Variants in MYO1D observed in about 807,000 individuals in gnomAD.
MYO1D encodes the protein unconventional myosin-Id.
In MYO1D, 83 loss-of-function variants were observed where a neutral mutation model predicts 122.0. The ratio of observed to expected loss-of-function variants is 0.68; its 90% CI spans 0.57 to 0.82. The LOEUF (loss-of-function observed/expected upper bound fraction) is 0.82. MYO1D is among the 40% of genes least tolerant of loss of function. The pLI is 0.00. For synonymous variants in MYO1D, 464 were observed against 446.9 expected, an observed-to-expected ratio of 1.04 and a Z score of -0.48; for missense variants, 1,157 against 1,269.5, an observed-to-expected ratio of 0.91 and a Z score of 1.35.
intron 21 of MYO1D, among the ~76,000 whole-genome samples, chr17:32,591,223 C>T (rs1378134023): frequency 1.3e-5 from 2 of 152,232 alleles, no homozygotes; most frequent in African/African-American, 4.8e-5. Context: ...TACACTTTAA[C>T]ATTGTTTGAT....
chr17:32,581,208 G>A (rs2087335496), intron 21 of MYO1D, among the ~76,000 whole-genome samples: 2 of 152,110 alleles, frequency 1.3e-5, no homozygotes, highest in East Asian at 3.9e-4. Flanking sequence ...TTTAATCTAA[G>A]CTGTCAAATT....
chr17:32,804,640 T>G (rs1347129215), intron 1 of MYO1D, among the ~76,000 whole-genome samples: 1 of 152,194 alleles, frequency 6.6e-6, no homozygotes, highest in East Asian at 1.9e-4. Flanking sequence ...AGCAATTAAA[T>G]GTTTCACTGC....
chr17:32,759,857 AAAC>A (rs1284851198), intron 10 of MYO1D: 8 of 422,776 alleles, frequency 1.9e-5, no homozygotes, highest in Admixed American at 7.9e-5. Context: ...CAGAGAATAT[AAAC>A]AACATTAACT....
intron 1 of MYO1D, among the ~76,000 whole-genome samples, chr17:32,791,002 A>T (rs748478562): frequency 2.6e-5 from 4 of 152,192 alleles, no homozygotes; most frequent in African/African-American, 4.8e-5. Flanking sequence ...GCACATGTCA[A>T]AAGGACACAG....
intron 13 of MYO1D, among the ~76,000 whole-genome samples, chr17:32,742,202 G>A (rs564028799): frequency 3.3e-5 from 5 of 152,258 alleles, no homozygotes; most frequent in African/African-American, 1.2e-4. Context: ...CTGGGAGGAA[G>A]TGTGTAGGTT....
rs533021001 is a variant in MYO1D, at chr17:32,540,259, G to A, written c.2865-45344C>T. ...GCAGGAGAATTGCTTGAACTCAGGA[G>A]GGAGAGGTTGCAGCGAGCCGAGATC... On this transcript the variant is annotated intron_variant, in intron 21 of 21. Transcript: ENST00000318217. 4.1e-5 allele frequency among the ~76,000 whole-genome samples: 6 copies of A among 147,550 alleles called. No individual in the cohort carries two copies. In the South Asian group the frequency reaches 1.3e-3, roughly 31 times the overall value.
chr17:32,654,682 CTCTT>C (rs779113617), intron 17 of MYO1D, 61 bp from the exon 18 acceptor site: 69 of 1,427,706 alleles, frequency 4.8e-5, no homozygotes, highest in African/African-American at 5.9e-5. Flanking sequence ...CATTCTCTCT[CTCTT>C]TTTTTTTTTC....
intron 1 of MYO1D, among the ~76,000 whole-genome samples, chr17:32,866,842 G>A (rs1379250704): frequency 1.3e-5 from 2 of 152,212 alleles, no homozygotes; most frequent in African/African-American, 4.8e-5. Context: ...AGGGCAGGGG[G>A]AGGAAGGACT....
At chr17:32,748,446 C>CCAG (rs572745509) in intron 12 of MYO1D, among the ~76,000 whole-genome samples, 40 of 152,200 alleles carry the variant, frequency 2.6e-4, no homozygotes, top group African/African-American at 9.4e-4. Flanking sequence ...ACCACTTCCT[C>CCAG]CAGCAAGACC....
chr17:32,679,234 C>G (rs953628764), intron 16 of MYO1D, among the ~76,000 whole-genome samples: 3 of 149,730 alleles, frequency 2.0e-5, no homozygotes, highest in African/African-American at 7.4e-5. Context: ...ATGGTAGTTT[C>G]TTTTGCTGTG....
chr17:32,818,807 C>G (rs567499353), intron 1 of MYO1D, among the ~76,000 whole-genome samples: 15 of 152,284 alleles, frequency 9.9e-5, no homozygotes, highest in African/African-American at 3.4e-4. Context: ...AATAGGATAC[C>G]AGGGTCCAGT....
intron 16 of MYO1D, among the ~76,000 whole-genome samples, chr17:32,676,045 A>G (rs1597995729): frequency 6.6e-6 from 1 of 152,116 alleles, no homozygotes; most frequent in East Asian, 1.9e-4. Flanking sequence ...GATATTTCTG[A>G]TGTTTTCTCT....
At position 32,563,204 on chromosome 17, in the gene MYO1D, C is replaced by CTTTTTTTTTTTTTTTTT. The variant is rs749819200; in HGVS notation, c.2864+41882_2864+41883insAAAAAAAAAAAAAAAAA. Among the ~76,000 whole-genome samples the CTTTTTTTTTTTTTTTTT allele has an allele frequency of 3.5e-4, 37 of 105,118 alleles. 1 individual carries two copies. Among genetic ancestry groups the CTTTTTTTTTTTTTTTTT allele is most frequent in the Non-Finnish European group, 4.4e-4 (24 of 55,128 alleles). The allele number at this position is 105,118 out of a possible 152,430, so 69.0% of individuals were successfully genotyped here. On this transcript the variant is annotated intron_variant, in intron 21 of 21. Transcript: ENST00000318217. ...GCAATTACAGCTCTTTTTTTCTTCT[C>CTTTTTTTTTTTTTTTTT]TCTTTTTTTTTTTTTTTTTTTTTGA...
intron 11 of MYO1D, among the ~76,000 whole-genome samples, chr17:32,752,174 G>A (rs1473985742): frequency 2.0e-5 from 3 of 152,108 alleles, no homozygotes; most frequent in Non-Finnish European, 2.9e-5. Flanking sequence ...ATAAACAATG[G>A]AGAAAGCATA....
intron 1 of MYO1D, among the ~76,000 whole-genome samples, chr17:32,819,252 G>A (rs1245871887): frequency 6.6e-6 from 1 of 151,698 alleles, no homozygotes; most frequent in Non-Finnish European, 1.5e-5. Context: ...CAAGAAGGGA[G>A]GCTATGCTAG....
At position 32,494,633 on chromosome 17, in the gene MYO1D, G is replaced by C; in HGVS notation, c.*126C>G. 1 of 1,116,414 alleles carries C rather than the reference G, an allele frequency of 9.0e-7. No homozygotes were observed. The highest frequency in any genetic ancestry group is 1.2e-6 in the Non-Finnish European group (1 of 806,332). 69.2% of individuals were successfully genotyped at this position (1,116,414 alleles called of 1,614,324 possible). ...AAAACCAGGAAGGAAATCTTACAGG[G>C]GCGGGGCTCCTCTGGGAGGGGCCCT... On this transcript the variant is annotated 3_prime_UTR_variant, in exon 22 of 22. Coordinates refer to ENST00000318217, the MANE Select transcript of MYO1D (RefSeq NM_015194.3).
chr17:32,736,980 T>C (rs9912869), intron 14 of MYO1D, among the ~76,000 whole-genome samples: 6,490 of 152,262 alleles, frequency 0.043, 470 homozygotes, highest in African/African-American at 0.15. Flanking sequence ...ATTGTGCTTA[T>C]ATGCGGTCAC....
intron 16 of MYO1D, among the ~76,000 whole-genome samples, chr17:32,701,365 C>G (rs898147758): frequency 2.6e-5 from 4 of 151,952 alleles, no homozygotes; most frequent in Non-Finnish European, 4.4e-5. Context: ...TTAGACTGTT[C>G]CAAAATACAG....
At chr17:32,577,041 G>T (rs1032108711) in intron 21 of MYO1D, among the ~76,000 whole-genome samples, 2 of 152,084 alleles carry the variant, frequency 1.3e-5, no homozygotes, top group Non-Finnish European at 2.9e-5. Context: ...CCTGAGCTCA[G>T]GAGTTTGCGA....
Sources: gnomAD v4.1 joint callset for allele counts (sites outside exome capture counted in the v4.1 genomes callset) on GRCh38, gnomAD v4.1.1 for gene constraint, MANE v1.5 for transcripts, NCBI Gene and HGNC (gene_info 2026-07-23, HGNC 2026-07-21) for gene names.